TRANK1: variants seen among roughly 807,000 people sequenced by gnomAD.
The protein encoded by TRANK1 is tetratricopeptide repeat and ankyrin repeat containing 1.
TRANK1 carries 198 observed loss-of-function variants against 266.0 expected under a neutral mutation model. The ratio of observed to expected loss-of-function variants is 0.74; its 90% confidence interval spans 0.66 to 0.84. TRANK1 has a LOEUF of 0.84. Among genes scored for constraint, TRANK1 ranks in the 40% least tolerant of loss-of-function variants. The pLI, the probability that TRANK1 is intolerant of heterozygous loss-of-function variation, is 0.00. For missense variants in TRANK1, 3,326 were observed against 3,634.6 expected, an observed-to-expected ratio of 0.92 and a Z score of 2.18; for synonymous variants, 1,396 against 1,384.1, an observed-to-expected ratio of 1.01 and a Z score of -0.19.
At chr3:36,858,188 A>C in intron 12 of TRANK1, 139 bp from the exon 13 acceptor site, 1 of 697,332 alleles carries the variant, frequency 1.4e-6, no homozygotes, top group Non-Finnish European at 2.3e-6. Flanking sequence ...TCCATTAAAG[A>C]GCTCAGTGGT....
intron 10 of TRANK1, among the ~76,000 whole-genome samples, chr3:36,861,460 A>G (rs927632527): frequency 1.3e-5 from 2 of 152,174 alleles, no homozygotes; most frequent in African/African-American, 4.8e-5. Context: ...AGAAGGGCAA[A>G]AGCCTGACTT....
At chr3:36,899,898 A>G (rs974126626) in intron 3 of TRANK1, among the ~76,000 whole-genome samples, 1 of 152,106 alleles carries the variant, frequency 6.6e-6, no homozygotes, top group East Asian at 1.9e-4. Flanking sequence ...TTGCCCTATC[A>G]CCCAGGCTGG....
chr3:36,873,415 G>A (rs2079338316), intron 9 of TRANK1, among the ~76,000 whole-genome samples: 1 of 152,168 alleles, frequency 6.6e-6, no homozygotes, highest in South Asian at 2.1e-4. Flanking sequence ...TCATTAAACT[G>A]AGATGCTTAA....
intron 9 of TRANK1, among the ~76,000 whole-genome samples, chr3:36,869,700 T>C (rs928702202): frequency 1.3e-5 from 2 of 152,266 alleles, no homozygotes; most frequent in Non-Finnish European, 2.9e-5. Flanking sequence ...AGAAACACCT[T>C]CTGGGAGCTA....
chr3:36,922,766 ACT>A (rs1161762671), intron 1 of TRANK1, among the ~76,000 whole-genome samples: 7 of 150,446 alleles, frequency 4.7e-5, no homozygotes, highest in Admixed American at 1.3e-4. Flanking sequence ...ACAGAGCAAG[ACT>A]CTGTCTCAAA....
At chr3:36,853,895 G>A (rs1323204394) in intron 13 of TRANK1, among the ~76,000 whole-genome samples, 1 of 152,148 alleles carries the variant, frequency 6.6e-6, no homozygotes, top group Non-Finnish European at 1.5e-5. Flanking sequence ...TATGATTATG[G>A]GTTTTGAGGG....
chr3:36,892,878 T>G lies in TRANK1; in HGVS notation c.636+23A>C, dbSNP rs748645484. The G allele has an allele frequency of 1.7e-4, 161 of 960,778 alleles. 1 individual carries two copies. Among genetic ancestry groups the G allele is most frequent in the Middle Eastern group, 2.6e-4 (1 of 3,818 alleles). The allele number at this position is 960,778 out of a possible 1,614,324, so 59.5% of individuals were successfully genotyped here. ...ATATATATATATATATATAGATATA[T>G]ATAGATATATATATCACCTTACCTC... On this transcript the variant is annotated intron_variant, in intron 6 of 23. Coordinates refer to ENST00000645898, the MANE Select transcript of TRANK1 (RefSeq NM_001329998.2).
intron 15 of TRANK1, 37 bp downstream of exon 15, chr3:36,851,682 A>G: frequency 6.3e-7 from 1 of 1,590,134 alleles, no homozygotes; most frequent in Non-Finnish European, 8.5e-7. Flanking sequence ...CTCATACATA[A>G]ATATTCATTG....
intron 20 of TRANK1, among the ~76,000 whole-genome samples, chr3:36,837,335 G>A (rs2078784024): frequency 6.6e-6 from 1 of 152,130 alleles, no homozygotes; most frequent in African/African-American, 2.4e-5. Flanking sequence ...AACAGGGTAG[G>A]CAGCATCTGG....
In TRANK1 at chr3:36,864,467, A is replaced by G. The variant is rs2079186332; in HGVS notation, c.1092T>C (p.Gly364=). The G allele has an allele frequency of 2.0e-6, 3 of 1,530,812 alleles. No homozygotes were observed. The highest frequency in any genetic ancestry group is 2.6e-6 in the Non-Finnish European group (3 of 1,145,248). The allele number at this position is 1,530,812 out of a possible 1,614,324, so 94.8% of individuals were successfully genotyped here. ...TGTCGTTTTCACTAGTGGGTCCATC[A>G]CCATTGCTGAATCCTACAAAACAGC... ...CSKDLSGFSN[G]DGPTSENDIF... Residue 364 remains glycine, a synonymous_variant, in exon 10 of 24, where the codon GGT becomes GGC. Transcript: ENST00000645898.
At chr3:36,879,555 T>TAAATATAC (rs1438604828) in intron 8 of TRANK1, among the ~76,000 whole-genome samples, 4 of 121,794 alleles carry the variant, frequency 3.3e-5, no homozygotes, top group Non-Finnish European at 4.8e-5. Flanking sequence ...TATATCTATA[T>TAAATATAC]AAATATATAA....
chr3:36,892,307 C>G lies in TRANK1; in HGVS notation c.670G>C (p.Glu224Gln). 1 of 1,537,136 alleles carries G rather than the reference C, an allele frequency of 6.5e-7. No individual in the cohort carries two copies. Among genetic ancestry groups the G allele is most frequent in the South Asian group, 1.2e-5 (1 of 84,054 alleles). Residue 224 changes from glutamate to glutamine, a missense_variant, in exon 7 of 24, where the codon GAA (glutamate) becomes CAA (glutamine). Coordinates refer to ENST00000645898, the MANE Select transcript of TRANK1 (RefSeq NM_001329998.2). ...YVFIGLYEKM[E>Q]QVPKLVQWLI... ...CACTGGACTAACTTGGGCACTTGTTCCATCTTCTCATAAAGTCCAATGAAA... is the reference window on the plus strand; with the variant it reads ...CACTGGACTAACTTGGGCACTTGTTGCATCTTCTCATAAAGTCCAATGAAA...
At chr3:36,905,690 CA>C (rs1378354265) in intron 2 of TRANK1, among the ~76,000 whole-genome samples, 6 of 152,188 alleles carry the variant, frequency 3.9e-5, no homozygotes, top group Non-Finnish European at 7.4e-5. Context: ...ATATGAGAAT[CA>C]AAAGGTTAAC....
At chr3:36,881,600 G>A (rs1264520971) in intron 8 of TRANK1, among the ~76,000 whole-genome samples, 4 of 152,140 alleles carry the variant, frequency 2.6e-5, no homozygotes, top group African/African-American at 7.2e-5. Flanking sequence ...GCAACACAAG[G>A]AGAATCTCTC....
At chr3:36,940,263 C>T (rs900298615) in intron 1 of TRANK1, among the ~76,000 whole-genome samples, 30 of 150,918 alleles carry the variant, frequency 2.0e-4, no homozygotes, top group Admixed American at 1.7e-3. Context: ...TTTGGGAGGC[C>T]GAGGCGGGTG....
At chr3:36,879,823 A>T (rs992452529) in intron 8 of TRANK1, among the ~76,000 whole-genome samples, 1 of 113,932 alleles carries the variant, frequency 8.8e-6, no homozygotes, top group Middle Eastern at 5.2e-3. Context: ...TAAATATACA[A>T]ATATATGTAA....
rs9681222 is a variant in TRANK1, at chr3:36,892,863, A to G, written c.636+38T>C. 13 of 606,454 alleles carry G rather than the reference A, an allele frequency of 2.1e-5. No individual in the cohort carries two copies. In the African/African-American group the frequency reaches 2.2e-4, roughly 10 times the overall value. The allele number at this position is 606,454 out of a possible 1,614,324, so 37.6% of individuals were successfully genotyped here. A position where few individuals can be genotyped will look rare whatever the true frequency, so the allele number is the denominator to read the frequency against. On this transcript the variant is annotated intron_variant, in intron 6 of 23. Transcript: ENST00000645898. ...AAAACAAAACAAAACATATATATAT[A>G]TATATATAGATATATATAGATATAT...
intron 1 of TRANK1, among the ~76,000 whole-genome samples, chr3:36,910,184 G>A (rs1406424616): frequency 6.6e-6 from 1 of 151,834 alleles, no homozygotes; most frequent in Non-Finnish European, 1.5e-5. Context: ...ATGAAAAGTG[G>A]GTAAATAGGA....
intron 1 of TRANK1, among the ~76,000 whole-genome samples, chr3:36,927,884 C>T (rs1052443251): frequency 5.3e-5 from 8 of 152,214 alleles, no homozygotes; most frequent in Admixed American, 6.5e-5. Context: ...ATGCTCCATC[C>T]TATTCCCACC....
Sources: gnomAD v4.1 joint callset for allele counts (sites outside exome capture counted in the v4.1 genomes callset) on GRCh38, gnomAD v4.1.1 for gene constraint, MANE v1.5 for transcripts, NCBI Gene and HGNC (gene_info 2026-07-23, HGNC 2026-07-21) for gene names.